The following FLT3 variants were observed in gnomAD, a reference collection of about 807,000 sequenced individuals.
FLT3 encodes fms related receptor tyrosine kinase 3, also known as receptor-type tyrosine-protein kinase FLT3.
FLT3 carries 46 observed loss-of-function variants against 126.6 expected under a neutral mutation model. The ratio of observed to expected loss-of-function variants is 0.36; its 90% CI spans 0.29 to 0.46. The LOEUF (loss-of-function observed/expected upper bound fraction) is 0.46, where lower values mean the gene tolerates loss of function less well. Ranked by LOEUF, FLT3 falls within the 20% of genes least tolerant of loss-of-function variation. The pLI, the probability that FLT3 is intolerant of heterozygous loss-of-function variation, is 1.00. For synonymous variants in FLT3, 404 were observed against 434.4 expected (o/e 0.93, Z 0.87); for missense variants, 1,069 against 1,190.3 (o/e 0.90, Z 1.50).
intron 2 of FLT3, among the ~76,000 whole-genome samples, chr13:28,069,020 A>G (rs1311350467): frequency 1.3e-5 from 2 of 152,234 alleles, no homozygotes; most frequent in Admixed American, 6.5e-5. Context: ...GAGAGGAGTC[A>G]TGAAAAACAA....
At chr13:28,015,569 G>T in intron 21 of FLT3, 21 bp downstream of exon 21, 1 of 1,466,336 alleles carries the variant, frequency 6.8e-7, no homozygotes, top group Non-Finnish European at 9.5e-7. Context: ...GCCAAGGGAG[G>T]CCAGCAGCTG....
chr13:28,061,017 G>C (rs1876507483), intron 3 of FLT3, among the ~76,000 whole-genome samples: 1 of 152,040 alleles, frequency 6.6e-6, no homozygotes, highest in Admixed American at 6.6e-5. Context: ...TTAACATCTT[G>C]TATAGGTGTG....
chr13:28,014,478 A>G lies in FLT3; in HGVS notation c.2833T>C (p.Cys945Arg), dbSNP rs1265089504. The G allele has an allele frequency of 6.2e-7, 1 of 1,613,744 alleles. No individual in the cohort carries two copies. The highest frequency in any genetic ancestry group is 8.5e-7 in the Non-Finnish European group (1 of 1,179,628). ...GCTTCTTCTGCATCTGCCAGCTGACATCCTAAAAACGAAGTCAAATTAGGG... is the reference window on the plus strand; with the variant it reads ...GCTTCTTCTGCATCTGCCAGCTGACGTCCTAAAAACGAAGTCAAATTAGGG... The part of the protein sequence containing the change: ...SFPNLTSFLG[C>R]QLADAEEAMY... The change falls in exon 23 of 24, where the codon TGT (cysteine) becomes CGT (arginine). Residue 945 changes from cysteine to arginine, a missense_variant. Transcript: ENST00000241453.
chr13:28,080,666 A>G (rs961355562), intron 1 of FLT3, among the ~76,000 whole-genome samples: 2 of 152,276 alleles, frequency 1.3e-5, no homozygotes, highest in African/African-American at 2.4e-5. Context: ...AAGATGTCCA[A>G]TTTATCAATT....
intron 1 of FLT3, among the ~76,000 whole-genome samples, chr13:28,078,861 A>G (rs1878134949): frequency 6.6e-6 from 1 of 151,888 alleles, no homozygotes; most frequent in African/African-American, 2.4e-5. Context: ...CTAAAGGTGC[A>G]CGCCATCATG....
intron 23 of FLT3, among the ~76,000 whole-genome samples, chr13:28,012,054 A>G (rs1871438935): frequency 6.6e-6 from 1 of 152,204 alleles, no homozygotes; most frequent in South Asian, 2.1e-4. Context: ...TCAGCCTCCC[A>G]AAGTGCTGGG....
chr13:28,052,880 C>T (rs1419114069), intron 4 of FLT3, among the ~76,000 whole-genome samples: 1 of 152,074 alleles, frequency 6.6e-6, no homozygotes, highest in Admixed American at 6.6e-5. Flanking sequence ...GAACATTTCT[C>T]CTCTTGGCCA....
intron 9 of FLT3, among the ~76,000 whole-genome samples, chr13:28,046,914 A>G (rs1013472785): frequency 2.6e-5 from 4 of 152,074 alleles, no homozygotes; most frequent in African/African-American, 9.7e-5. Flanking sequence ...AATTATTAAT[A>G]ATATATTTTA....
chr13:28,074,446 T>TTA (rs1877787561), intron 1 of FLT3, among the ~76,000 whole-genome samples: 1 of 152,086 alleles, frequency 6.6e-6, no homozygotes, highest in Admixed American at 6.6e-5. Flanking sequence ...AATGCCTAGG[T>TTA]TATATGGTCA....
chr13:28,018,643 T>C, intron 19 of FLT3, 54 bp from the exon 20 acceptor site: 1 of 1,591,604 alleles, frequency 6.3e-7, no homozygotes, highest in Non-Finnish European at 8.6e-7. Context: ...TATCCTGGAG[T>C]GCAATCTTTC....
intron 1 of FLT3, among the ~76,000 whole-genome samples, chr13:28,098,728 T>A (rs2137840598): frequency 6.6e-6 from 1 of 151,808 alleles, no homozygotes. Flanking sequence ...TTCGTGAACA[T>A]AATGGATAAA....
In FLT3 at chr13:28,049,707, T is replaced by C. The variant is rs1208955978; in HGVS notation, c.810A>G (p.Ile270Met). ...GGTTCACATGAACAGCTTTGCACCT[T>C]ATCCATAAGGGTTCCCCTACTTTAA... ...LFLKVGEPLW[I>M]RCKAVHVNHG... Residue 270 changes from isoleucine (I) to methionine (M), a missense_variant, in exon 7 of 24, where the codon ATA becomes ATG. By Grantham distance (10) the Ile-to-Met change is conservative (BLOSUM62 1). Transcript: ENST00000241453. 1.9e-6 allele frequency: 3 copies of C among 1,614,152 alleles called. No individual in the cohort carries two copies. Among genetic ancestry groups the C allele is most frequent in the African/African-American group, 1.3e-5 (1 of 75,056 alleles).
At chr13:28,032,293 C>T (rs539499576) in intron 15 of FLT3, among the ~76,000 whole-genome samples, 2 of 152,228 alleles carry the variant, frequency 1.3e-5, no homozygotes, top group South Asian at 4.2e-4. Flanking sequence ...GCATGAGGGC[C>T]CTTGGTGTAT....
chr13:28,007,886 T>G (rs1341702419), intron 23 of FLT3, among the ~76,000 whole-genome samples: 1 of 152,206 alleles, frequency 6.6e-6, no homozygotes, highest in African/African-American at 2.4e-5. Flanking sequence ...AACTTTTGGT[T>G]TTCCTGATCA....
rs1035040516 is a variant in FLT3 at position 28,036,036 on chromosome 13, A to T, written c.1317T>A (p.Pro439=). 6.2e-7 allele frequency: 1 copy of T among 1,613,894 alleles called. No homozygotes were observed. Among genetic ancestry groups the T allele is most frequent in the Non-Finnish European group, 8.5e-7 (1 of 1,179,870 alleles). Residue 439 remains proline, a synonymous_variant, in exon 11 of 24, where the codon CCT becomes CCA. Coordinates refer to ENST00000241453, the MANE Select transcript of FLT3 (RefSeq NM_004119.3). ...KMFTLNIRRK[P]QVLAEASASQ... is the part of the protein sequence containing the mutation. ...TTGCCGATGCTTCTGCGAGCACTTG[A>T]GGTTTCCCTATAGAAAAGAACGTGT... is the stretch of plus-strand genomic sequence containing the variant.
intron 3 of FLT3, 134 bp from the exon 4 acceptor site, chr13:28,057,596 C>T: frequency 1.6e-6 from 1 of 620,492 alleles, no homozygotes; most frequent in South Asian, 1.8e-5. Context: ...GTGGAGAACA[C>T]AGCTTCTGTC....
intron 2 of FLT3, among the ~76,000 whole-genome samples, chr13:28,063,383 G>A (rs1876741125): frequency 6.6e-6 from 1 of 152,178 alleles, no homozygotes; most frequent in Admixed American, 6.5e-5. Flanking sequence ...AGGAGGCTGA[G>A]GCAGGAGAAT....
chr13:28,069,272 T>C (rs1324629435), intron 2 of FLT3, among the ~76,000 whole-genome samples: 1 of 152,024 alleles, frequency 6.6e-6, no homozygotes, highest in East Asian at 1.9e-4. Flanking sequence ...CTAGAGAATA[T>C]GAGATGATTA....
chr13:28,091,500 C>T (rs1311792221), intron 1 of FLT3, among the ~76,000 whole-genome samples: 4 of 151,784 alleles, frequency 2.6e-5, no homozygotes, highest in African/African-American at 2.4e-5. Context: ...GGATTACAGG[C>T]GTGAGCCACC....
Sources: allele counts gnomAD v4.1 joint callset (sites outside exome capture counted in the v4.1 genomes callset), GRCh38; gene constraint gnomAD v4.1.1; transcripts MANE v1.5; gene names NCBI Gene and HGNC (gene_info 2026-07-23, HGNC 2026-07-21).